PLEKHM3: variants seen among roughly 807,000 people sequenced by gnomAD.
PLEKHM3 encodes pleckstrin homology domain-containing family M member 3.
In PLEKHM3, 45 loss-of-function variants were observed where a neutral mutation model predicts 81.8. The observed-to-expected ratio is 0.55, with a 90% CI of 0.43 to 0.71. PLEKHM3 has a LOEUF of 0.71. Ranked by LOEUF, PLEKHM3 falls within the 30% of genes least tolerant of loss-of-function variation. The pLI is 0.00. For synonymous variants in PLEKHM3, 352 were observed against 356.4 expected (o/e 0.99, Z 0.14); for missense variants, 788 against 924.3 (o/e 0.85, Z 1.91).
At chr2:208,004,442 C>T (rs973873802) in intron 1 of PLEKHM3, among the ~76,000 whole-genome samples, 3 of 151,970 alleles carry the variant, frequency 2.0e-5, no homozygotes, top group Non-Finnish European at 4.4e-5. Flanking sequence ...ATGTATATCA[C>T]CATTGTTGGC....
intron 5 of PLEKHM3, among the ~76,000 whole-genome samples, chr2:207,919,533 G>A (rs1689113363): frequency 6.6e-6 from 1 of 152,190 alleles, no homozygotes; most frequent in Admixed American, 6.5e-5. Flanking sequence ...TGAAAGTGGT[G>A]AAAAGTGGAT....
At chr2:207,971,517 T>G (rs531569540) in intron 3 of PLEKHM3, among the ~76,000 whole-genome samples, 22 of 152,118 alleles carry the variant, frequency 1.4e-4, no homozygotes, top group African/African-American at 5.3e-4. Context: ...AATATCACTA[T>G]GTACCCCATA....
intron 6 of PLEKHM3, among the ~76,000 whole-genome samples, chr2:207,878,797 C>T (rs2092571710): frequency 6.6e-6 from 1 of 151,860 alleles, no homozygotes. Context: ...AAGCACTAAG[C>T]TTTAGTGTCT....
intron 6 of PLEKHM3, among the ~76,000 whole-genome samples, chr2:207,899,883 C>A (rs1688360687): frequency 6.6e-6 from 1 of 152,162 alleles, no homozygotes; most frequent in Non-Finnish European, 1.5e-5. Context: ...AGTCCTCTCT[C>A]TCTGGCTCAT....
chr2:207,858,208 C>T (rs2092447639), intron 7 of PLEKHM3, among the ~76,000 whole-genome samples: 1 of 145,564 alleles, frequency 6.9e-6, no homozygotes, highest in Non-Finnish European at 1.5e-5. Flanking sequence ...AAGTCTCACT[C>T]TGTTGCCCAG....
In PLEKHM3 at chr2:207,882,567, G is replaced by A. The variant is rs181839365; in HGVS notation, c.1951-21305C>T. On this transcript the variant is annotated intron_variant, in intron 6 of 7. Coordinates refer to ENST00000427836, the MANE Select transcript of PLEKHM3 (RefSeq NM_001080475.3). ...GCAGAGGTTGCAGTGAGCCCAGATC[G>A]CGTCATTGCACTCCAGCCTGGGCGA... Among the ~76,000 whole-genome samples the A allele has an allele frequency of 2.0e-4, 28 of 139,542 alleles. No individual in the cohort carries two copies. The East Asian group carries it at 3.5e-3, about 17-fold the overall frequency. 91.5% of individuals were successfully genotyped at this position (139,542 alleles called of 152,430 possible). A position where few individuals can be genotyped will look rare whatever the true frequency, so the allele number is the denominator to read the frequency against.
intron 2 of PLEKHM3, among the ~76,000 whole-genome samples, chr2:207,995,478 A>C (rs1037813022): frequency 3.9e-5 from 6 of 152,184 alleles, no homozygotes; most frequent in Admixed American, 6.5e-5. Flanking sequence ...CTTCCAAAGT[A>C]AGGGCACAGC....
At chr2:207,850,590 G>A (rs6435396) in intron 7 of PLEKHM3, among the ~76,000 whole-genome samples, 82,532 of 152,014 alleles carry the variant, frequency 0.54, 22,761 homozygotes, top group Middle Eastern at 0.62. Flanking sequence ...GCATTTCAAG[G>A]TTCAGAAATA....
In PLEKHM3 at chr2:207,947,772, GT is replaced by G. The variant is rs1690183830; in HGVS notation, c.1547-1261del. Among the ~76,000 whole-genome samples the G allele has an allele frequency of 2.6e-5, 4 of 152,174 alleles. No homozygotes were observed. In the South Asian group the frequency reaches 8.3e-4, roughly 31 times the overall value. On this transcript the variant is annotated intron_variant, in intron 3 of 7. Transcript: ENST00000427836. The stretch of plus-strand genomic sequence containing the variant: ...TACTAATAATATAATGATCAGTGTT[GT>G]AACCCTTTCCATTACAAGGAGGTCA...
intron 2 of PLEKHM3, among the ~76,000 whole-genome samples, chr2:207,983,771 C>G (rs1691623932): frequency 6.6e-6 from 1 of 152,156 alleles, no homozygotes; most frequent in South Asian, 2.1e-4. Flanking sequence ...GGAATTTTCC[C>G]TGTCATGCAC....
At chr2:207,927,531 A>G (rs1689440665) in intron 5 of PLEKHM3, among the ~76,000 whole-genome samples, 1 of 149,440 alleles carries the variant, frequency 6.7e-6, no homozygotes, top group Non-Finnish European at 1.5e-5. Flanking sequence ...AAAAAAAAAA[A>G]AAAAAGAAGT....
intron 6 of PLEKHM3, among the ~76,000 whole-genome samples, chr2:207,903,724 G>A (rs1457850467): frequency 6.6e-6 from 1 of 152,150 alleles, no homozygotes; most frequent in African/African-American, 2.4e-5. Context: ...ATGTACTAAT[G>A]TATTCTACTG....
chr2:207,959,407 G>A (rs1690654459), intron 3 of PLEKHM3, among the ~76,000 whole-genome samples: 1 of 152,126 alleles, frequency 6.6e-6, no homozygotes, highest in African/African-American at 2.4e-5. Context: ...ATTATTTTGG[G>A]GGGTTACCTG....
chr2:207,963,741 G>C (rs1047821973), intron 3 of PLEKHM3, among the ~76,000 whole-genome samples: 1 of 152,220 alleles, frequency 6.6e-6, no homozygotes, highest in Admixed American at 6.5e-5. Flanking sequence ...CCACCAGGTA[G>C]ACCCTGTTAG....
At chr2:207,915,695 C>T (rs1228090534) in intron 5 of PLEKHM3, among the ~76,000 whole-genome samples, 2 of 152,134 alleles carry the variant, frequency 1.3e-5, no homozygotes, top group African/African-American at 4.8e-5. Flanking sequence ...TAGCACAACA[C>T]CAAAAGCAAA....
chr2:207,858,198 A>G (rs2092447552), intron 7 of PLEKHM3, among the ~76,000 whole-genome samples: 1 of 110,660 alleles, frequency 9.0e-6, no homozygotes, highest in Non-Finnish European at 1.8e-5. Context: ...TTTTGAGATG[A>G]AGTCTCACTC....
chr2:207,972,964 A>G (rs1426897806), intron 3 of PLEKHM3, among the ~76,000 whole-genome samples: 1 of 152,246 alleles, frequency 6.6e-6, no homozygotes, highest in Non-Finnish European at 1.5e-5. Flanking sequence ...GAGCTACTCC[A>G]TACAATCTTC....
chr2:207,880,815 A>C lies in PLEKHM3; in HGVS notation c.1951-19553T>G, dbSNP rs2718655. ...CAAAAAAACAAACAAACAAAAAAAA[A>C]CAAAAAAACAAATAAAAAATAGATA... On this transcript the variant is annotated intron_variant, in intron 6 of 7. Coordinates refer to ENST00000427836, the MANE Select transcript of PLEKHM3 (RefSeq NM_001080475.3). 6.7e-4 allele frequency among the ~76,000 whole-genome samples: 97 copies of C among 143,756 alleles called. 1 individual carries two copies. The highest frequency in any genetic ancestry group is 1.6e-3 in the African/African-American group (65 of 39,512). The allele number at this position is 143,756 out of a possible 152,430, so 94.3% of individuals were successfully genotyped here.
At chr2:207,998,082 C>T (rs1692178281) in intron 2 of PLEKHM3, among the ~76,000 whole-genome samples, 1 of 151,140 alleles carries the variant, frequency 6.6e-6, no homozygotes, top group Non-Finnish European at 1.5e-5. Context: ...CACTGCTTGC[C>T]CCTGCCCTTC....
Sources: gnomAD v4.1 joint callset for allele counts (sites outside exome capture counted in the v4.1 genomes callset) on GRCh38, gnomAD v4.1.1 for gene constraint, MANE v1.5 for transcripts, NCBI Gene and HGNC (gene_info 2026-07-23, HGNC 2026-07-21) for gene names.